The following RGS6 variants were observed in gnomAD, a reference collection of about 807,000 sequenced individuals.
RGS6 encodes the protein regulator of G-protein signaling 6.
Under a neutral mutation model 78.5 loss-of-function variants are expected in RGS6, and 30 were observed. The observed-to-expected ratio is 0.38, with a 90% CI of 0.29 to 0.52. The LOEUF (loss-of-function observed/expected upper bound fraction) is 0.52, where lower values mean the gene tolerates loss of function less well. Among genes scored for constraint, RGS6 ranks in the 20% least tolerant of loss-of-function variants. The pLI is 0.85. For synonymous variants in RGS6, 206 were observed against 206.0 expected (o/e 1.00, Z 0.00); for missense variants, 495 against 609.7 (o/e 0.81, Z 1.98).
chr14:72,552,750 A>G (rs907673162), intron 17 of RGS6: 3 of 152,202 alleles, frequency 2.0e-5, no homozygotes, highest in African/African-American at 7.2e-5. Flanking sequence ...ATTCCTTGAT[A>G]AACCGGACCC....
chr14:72,262,742 G>A (rs847345), intron 2 of RGS6, among the ~76,000 whole-genome samples: 61,824 of 151,988 alleles, frequency 0.41, 13,128 homozygotes, highest in East Asian at 0.59. Flanking sequence ...CCAAATGACC[G>A]AAACTCAACT....
At chr14:72,280,004 A>G (rs770526298) in intron 2 of RGS6, among the ~76,000 whole-genome samples, 20 of 152,188 alleles carry the variant, frequency 1.3e-4, no homozygotes, top group Non-Finnish European at 2.5e-4. Flanking sequence ...CTGAGTTTCT[A>G]CTACTACAGG....
chr14:72,469,160 C>T (rs1216137962), intron 7 of RGS6, among the ~76,000 whole-genome samples: 4 of 150,878 alleles, frequency 2.7e-5, no homozygotes, highest in Non-Finnish European at 2.9e-5. Flanking sequence ...CTGTTTTGGG[C>T]TTTTTCTTTC....
chr14:72,537,295 C>T (rs1047952326), intron 16 of RGS6, among the ~76,000 whole-genome samples: 5 of 152,210 alleles, frequency 3.3e-5, no homozygotes, highest in African/African-American at 9.6e-5. Flanking sequence ...CTCTCAGCCA[C>T]GCAAGCCTTC....
chr14:72,404,282 A>C (rs1298855605), intron 3 of RGS6, among the ~76,000 whole-genome samples: 1 of 152,214 alleles, frequency 6.6e-6, no homozygotes, highest in Admixed American at 6.5e-5. Context: ...AAGATGCCTC[A>C]GGCTATGAAG....
chr14:72,312,118 G>C (rs10145775), intron 2 of RGS6, among the ~76,000 whole-genome samples: 2 of 152,056 alleles, frequency 1.3e-5, no homozygotes, highest in Non-Finnish European at 2.9e-5. Context: ...CTCATTCTGC[G>C]CAAGGATCGC....
intron 2 of RGS6, among the ~76,000 whole-genome samples, chr14:72,351,746 C>T (rs140202048): frequency 2.8e-4 from 43 of 152,230 alleles, no homozygotes; most frequent in African/African-American, 1.0e-3. Context: ...ATGGTTCAAC[C>T]TATATGTAAA....
rs1555348506 is a variant in RGS6 at position 72,353,987 on chromosome 14, A to AACG, written c.184+1795_184+1796insGAC. Reference sequence around the variant, plus strand: ...TAACAGAGCGAGACTCTGTCTCAGCAACAACAACAACAACAACAGAATTCA... The same window carrying AACG: ...TAACAGAGCGAGACTCTGTCTCAGCAACGACAACAACAACAACAACAGAATTCA... On this transcript the variant is annotated intron_variant, in intron 3 of 17. Transcript: ENST00000553525. 4.6e-5 allele frequency among the ~76,000 whole-genome samples: 7 copies of AACG among 151,498 alleles called. No individual in the cohort carries two copies. In the South Asian group the frequency reaches 1.5e-3, roughly 32 times the overall value.
At chr14:72,329,048 T>G (rs1052041022) in intron 2 of RGS6, among the ~76,000 whole-genome samples, 2 of 152,104 alleles carry the variant, frequency 1.3e-5, no homozygotes, top group African/African-American at 4.8e-5. Context: ...ATTTTTTATA[T>G]TTTTTAGTAG....
chr14:72,002,365 A>G (rs1000374100), intron 2 of RGS6, among the ~76,000 whole-genome samples: 2 of 152,164 alleles, frequency 1.3e-5, no homozygotes, highest in Non-Finnish European at 2.9e-5. Context: ...CTGCAGATTT[A>G]TTCTGCTTTG....
At chr14:72,187,795 A>G (rs1004586663) in intron 2 of RGS6, among the ~76,000 whole-genome samples, 1 of 152,126 alleles carries the variant, frequency 6.6e-6, no homozygotes, top group African/African-American at 2.4e-5. Flanking sequence ...CAGTTTCCAT[A>G]TTTGTGAATT....
intron 3 of RGS6, among the ~76,000 whole-genome samples, chr14:72,432,908 A>C (rs2094714925): frequency 6.6e-6 from 1 of 152,240 alleles, no homozygotes; most frequent in African/African-American, 2.4e-5. Context: ...GCCAGCAGAC[A>C]CTGTGGAAAG....
At chr14:72,166,842 A>G (rs2096934731) in intron 2 of RGS6, among the ~76,000 whole-genome samples, 2 of 152,216 alleles carry the variant, frequency 1.3e-5, no homozygotes, top group African/African-American at 2.4e-5. Context: ...TACTCACTAT[A>G]TTGTGAGTGT....
chr14:71,991,402 C>G (rs555777930), intron 2 of RGS6, among the ~76,000 whole-genome samples: 1 of 152,290 alleles, frequency 6.6e-6, no homozygotes, highest in Non-Finnish European at 1.5e-5. Context: ...GACAAGAAGA[C>G]AAACCAATAT....
At chr14:72,018,508 G>A (rs560747798) in intron 2 of RGS6, among the ~76,000 whole-genome samples, 13 of 152,298 alleles carry the variant, frequency 8.5e-5, no homozygotes, top group African/African-American at 2.6e-4. Flanking sequence ...GGGCATTTCC[G>A]GACCATATAG....
intron 2 of RGS6, among the ~76,000 whole-genome samples, chr14:72,144,256 T>C (rs1019513685): frequency 6.6e-6 from 1 of 152,202 alleles, no homozygotes; most frequent in South Asian, 2.1e-4. Context: ...TCTTCCTACT[T>C]AATGTTGTTT....
intron 1 of RGS6, among the ~76,000 whole-genome samples, chr14:71,963,929 A>G (rs531667193): frequency 3.9e-5 from 6 of 152,308 alleles, no homozygotes; most frequent in African/African-American, 1.4e-4. Context: ...TTTTTGAGGA[A>G]ACACTAAGCT....
At chr14:72,087,457 T>A (rs545019544) in intron 2 of RGS6, among the ~76,000 whole-genome samples, 2 of 152,074 alleles carry the variant, frequency 1.3e-5, no homozygotes, top group Non-Finnish European at 1.5e-5. Flanking sequence ...TATACTTTTT[T>A]AATGGAATGC....
chr14:72,545,714 C>T (rs948956179), intron 17 of RGS6, among the ~76,000 whole-genome samples: 2 of 152,170 alleles, frequency 1.3e-5, no homozygotes, highest in African/African-American at 4.8e-5. Flanking sequence ...AAAGCCTGGA[C>T]ATGCACTGGC....
Sources: gnomAD v4.1 joint callset for allele counts (sites outside exome capture counted in the v4.1 genomes callset) on GRCh38, gnomAD v4.1.1 for gene constraint, MANE v1.5 for transcripts, NCBI Gene and HGNC (gene_info 2026-07-23, HGNC 2026-07-21) for gene names.